Variants in CSMD1 observed in about 807,000 individuals in gnomAD.
The protein encoded by CSMD1 is CUB and Sushi multiple domains 1, also known as CUB and sushi domain-containing protein 1.
In CSMD1, 213 loss-of-function variants were observed where a neutral mutation model predicts 417.5. That is an observed-to-expected ratio of 0.51 (90% CI 0.46 to 0.57). The LOEUF is 0.57. CSMD1 is among the 20% of genes least tolerant of loss of function. The pLI is 0.00. For synonymous variants in CSMD1, 2,862 were observed against 1,736.8 expected, an observed-to-expected ratio of 1.65 and a Z score of -16.11; for missense variants, 6,923 against 4,529.7, an observed-to-expected ratio of 1.53 and a Z score of -15.17.
chr8:3,502,794 A>G (rs1314740772), intron 10 of CSMD1, among the ~76,000 whole-genome samples: 1 of 152,332 alleles, frequency 6.6e-6, no homozygotes, highest in Admixed American at 6.5e-5. Flanking sequence ...CACTGACTTT[A>G]TACAGTTGCC....
chr8:3,556,794 A>C (rs985632038), intron 10 of CSMD1, among the ~76,000 whole-genome samples: 1 of 152,170 alleles, frequency 6.6e-6, no homozygotes, highest in African/African-American at 2.4e-5. Flanking sequence ...AAAGACTGCC[A>C]AAAGAGGCGA....
At chr8:3,285,328 G>C (rs1342508243) in intron 25 of CSMD1, among the ~76,000 whole-genome samples, 2 of 151,816 alleles carry the variant, frequency 1.3e-5, no homozygotes, top group Non-Finnish European at 2.9e-5. Context: ...TAAATATAGA[G>C]AAAAGTATAG....
intron 26 of CSMD1, among the ~76,000 whole-genome samples, chr8:3,283,114 G>C (rs2068159): frequency 0.72 from 109,742 of 152,076 alleles, 40,595 homozygotes; most frequent in Admixed American, 0.82. Context: ...GTGTGCAGAT[G>C]TGGTTTCACA....
chr8:3,926,615 T>C lies in CSMD1; in HGVS notation c.818+71288A>G, dbSNP rs747766630. Among the ~76,000 whole-genome samples, 6 of 151,918 alleles carry C rather than the reference T, an allele frequency of 3.9e-5. 1 individual carries two copies. Among genetic ancestry groups the C allele is most frequent in the Non-Finnish European group, 8.8e-5 (6 of 67,948 alleles). ...TTAATTTTATCAGTTGTTTAAAATATGATTTTATGAAAAGCATATTATTAG... is the reference window on the plus strand; with the variant it reads ...TTAATTTTATCAGTTGTTTAAAATACGATTTTATGAAAAGCATATTATTAG... On this transcript the variant is annotated intron_variant, in intron 5 of 69. Coordinates refer to ENST00000635120, the MANE Select transcript of CSMD1 (RefSeq NM_033225.6).
At chr8:4,830,211 T>G (rs188252205) in intron 1 of CSMD1, among the ~76,000 whole-genome samples, 1 of 152,282 alleles carries the variant, frequency 6.6e-6, no homozygotes, top group Admixed American at 6.5e-5. Flanking sequence ...ACAAAGTGCT[T>G]CTAATTTTCA....
chr8:3,614,347 C>G (rs943139031), intron 8 of CSMD1, among the ~76,000 whole-genome samples: 1 of 151,520 alleles, frequency 6.6e-6, no homozygotes, highest in African/African-American at 2.4e-5. Flanking sequence ...TCTCCCTACA[C>G]CGCCCCCCGA....
chr8:3,030,481 G>C (rs1209484644), intron 50 of CSMD1, among the ~76,000 whole-genome samples: 1 of 151,682 alleles, frequency 6.6e-6, no homozygotes, highest in East Asian at 1.9e-4. Context: ...CTTTTTTTGT[G>C]TGTGTGACAA....
chr8:4,236,039 GTTTTTTT>G (rs869245155), intron 3 of CSMD1, among the ~76,000 whole-genome samples: 3 of 31,714 alleles, frequency 9.5e-5, no homozygotes, highest in African/African-American at 2.1e-4. Flanking sequence ...TTTTTTGTTT[GTTTTTTT>G]TTTTTTTTTT....
At position 3,917,415 on chromosome 8, in the gene CSMD1, A is replaced by G. The variant is rs529248699; in HGVS notation, c.818+80488T>C. ...GGAGTTTGGGTTTGGTTATACCACGAAACACACACACACACACACACACAC... is the reference window on the plus strand; with the variant it reads ...GGAGTTTGGGTTTGGTTATACCACGGAACACACACACACACACACACACAC... On this transcript the variant is annotated intron_variant, in intron 5 of 69. Coordinates refer to ENST00000635120, the MANE Select transcript of CSMD1 (RefSeq NM_033225.6). Among the ~76,000 whole-genome samples the G allele has an allele frequency of 3.2e-3, 256 of 80,410 alleles. 1 individual carries two copies. The highest frequency in any genetic ancestry group is 0.016 in the African/African-American group (243 of 15,406). 52.8% of individuals were successfully genotyped at this position (80,410 alleles called of 152,430 possible).
intron 3 of CSMD1, among the ~76,000 whole-genome samples, chr8:4,096,777 C>G (rs1017478821): frequency 6.6e-6 from 1 of 152,184 alleles, no homozygotes; most frequent in African/African-American, 2.4e-5. Context: ...TTAGAAGACA[C>G]TTGCGGAGTT....
At chr8:3,303,993 G>A (rs1410174416) in intron 25 of CSMD1, among the ~76,000 whole-genome samples, 2 of 151,960 alleles carry the variant, frequency 1.3e-5, no homozygotes, top group Non-Finnish European at 1.5e-5. Context: ...CAAACAAAGA[G>A]GAATAGCACT....
chr8:4,356,286 C>G (rs896966776), intron 3 of CSMD1, among the ~76,000 whole-genome samples: 6 of 151,942 alleles, frequency 3.9e-5, no homozygotes, highest in African/African-American at 1.5e-4. Context: ...GCTGTTCATT[C>G]ATTCATTCCT....
At chr8:4,974,598 C>T (rs535646553) in intron 1 of CSMD1, among the ~76,000 whole-genome samples, 1 of 151,978 alleles carries the variant, frequency 6.6e-6, no homozygotes, top group African/African-American at 2.4e-5. Context: ...TAACAAACAT[C>T]AACATATATA....
intron 23 of CSMD1, among the ~76,000 whole-genome samples, chr8:3,321,098 C>T (rs550718234): frequency 6.6e-6 from 1 of 152,156 alleles, no homozygotes; most frequent in East Asian, 1.9e-4. Context: ...TTCCACTGCT[C>T]CTGTCAACCT....
chr8:4,312,180 C>G (rs1383937533), intron 3 of CSMD1, among the ~76,000 whole-genome samples: 1 of 151,708 alleles, frequency 6.6e-6, no homozygotes, highest in Admixed American at 6.6e-5. Flanking sequence ...AGTCAGAAGA[C>G]ACAATGAACA....
chr8:4,329,140 T>C (rs941229984), intron 3 of CSMD1, among the ~76,000 whole-genome samples: 1 of 152,198 alleles, frequency 6.6e-6, no homozygotes, highest in Non-Finnish European at 1.5e-5. Flanking sequence ...ACGTGTGTTA[T>C]CTGTCTTGAA....
At chr8:4,644,305 A>AT (rs1803379262) in intron 1 of CSMD1, among the ~76,000 whole-genome samples, 1 of 152,050 alleles carries the variant, frequency 6.6e-6, no homozygotes, top group Non-Finnish European at 1.5e-5. Context: ...CTTTGCCCAG[A>AT]TTTTTTCATT....
intron 25 of CSMD1, among the ~76,000 whole-genome samples, chr8:3,305,217 T>C (rs1240340441): frequency 3.3e-5 from 5 of 152,108 alleles, no homozygotes; most frequent in African/African-American, 1.2e-4. Context: ...CCTTCATAGA[T>C]TTTCATGAGG....
intron 15 of CSMD1, among the ~76,000 whole-genome samples, chr8:3,399,970 C>T (rs1194278043): frequency 6.6e-6 from 1 of 152,098 alleles, no homozygotes; most frequent in Non-Finnish European, 1.5e-5. Context: ...TTATTTACTT[C>T]CATTGTGTGC....
Sources: allele counts gnomAD v4.1 joint callset (sites outside exome capture counted in the v4.1 genomes callset), GRCh38; gene constraint gnomAD v4.1.1; transcripts MANE v1.5; gene names NCBI Gene and HGNC (gene_info 2026-07-23, HGNC 2026-07-21).